TRPC4AP: variants seen among roughly 807,000 people sequenced by gnomAD.
TRPC4AP encodes short transient receptor potential channel 4-associated protein.
TRPC4AP carries 45 observed loss-of-function variants against 99.0 expected under a neutral mutation model. The ratio of observed to expected loss-of-function variants is 0.45; its 90% CI spans 0.36 to 0.58. TRPC4AP has a LOEUF of 0.58. Ranked by LOEUF, TRPC4AP falls within the 20% of genes least tolerant of loss-of-function variation. The pLI is 0.00. For synonymous variants in TRPC4AP, 408 were observed against 385.8 expected (o/e 1.06, Z -0.67); for missense variants, 879 against 985.3 (o/e 0.89, Z 1.44).
At chr20:35,087,196 A>G (rs6120830) in intron 1 of TRPC4AP, among the ~76,000 whole-genome samples, 115,499 of 149,546 alleles carry the variant, frequency 0.77, 44,891 homozygotes, top group Middle Eastern at 0.83. Flanking sequence ...AAAATTAGCC[A>G]GGCGTGGTGG....
chr20:35,009,957 T>A (rs1027566827), intron 12 of TRPC4AP, among the ~76,000 whole-genome samples: 1 of 152,354 alleles, frequency 6.6e-6, no homozygotes. Context: ...GCTCACCTCA[T>A]CTGTCAAGTG....
chr20:35,022,355 C>T (rs1053022280), intron 8 of TRPC4AP, among the ~76,000 whole-genome samples: 2 of 152,110 alleles, frequency 1.3e-5, no homozygotes, highest in Non-Finnish European at 2.9e-5. Flanking sequence ...GGGGTTTCAC[C>T]ATGTTGGCCG....
intron 6 of TRPC4AP, among the ~76,000 whole-genome samples, chr20:35,046,228 T>G (rs1163390950): frequency 6.6e-6 from 1 of 152,214 alleles, no homozygotes; most frequent in Non-Finnish European, 1.5e-5. Context: ...TTATAAGTTT[T>G]CCTTCTATTG....
intron 8 of TRPC4AP, among the ~76,000 whole-genome samples, chr20:35,022,402 C>T (rs1048748616): frequency 2.0e-5 from 3 of 152,120 alleles, no homozygotes. Context: ...GTGATCTGCC[C>T]GCCTCAGCCT....
chr20:35,026,112 T>C (rs999555113), intron 8 of TRPC4AP, among the ~76,000 whole-genome samples: 1 of 152,182 alleles, frequency 6.6e-6, no homozygotes, highest in African/African-American at 2.4e-5. Context: ...ATTTCTGAAC[T>C]CTCAACAATA....
intron 11 of TRPC4AP, among the ~76,000 whole-genome samples, chr20:35,011,082 A>G (rs561620210): frequency 2.2e-4 from 34 of 152,290 alleles, no homozygotes; most frequent in African/African-American, 6.5e-4. Context: ...AACGTGGCGA[A>G]ACCCCATCTC....
At chr20:35,030,002 GA>G (rs2083140904) in intron 8 of TRPC4AP, among the ~76,000 whole-genome samples, 1 of 148,084 alleles carries the variant, frequency 6.8e-6, no homozygotes, top group African/African-American at 2.5e-5. Flanking sequence ...AGCACTTTGG[GA>G]GGCCAAGGTG....
intron 1 of TRPC4AP, among the ~76,000 whole-genome samples, chr20:35,082,191 C>T (rs1204284555): frequency 6.6e-6 from 1 of 152,096 alleles, no homozygotes; most frequent in Non-Finnish European, 1.5e-5. Context: ...AGATTTTACA[C>T]ATCTCTTTCA....
chr20:35,071,932 C>G (rs550563397), intron 2 of TRPC4AP, among the ~76,000 whole-genome samples: 3 of 152,308 alleles, frequency 2.0e-5, no homozygotes, highest in African/African-American at 7.2e-5. Context: ...TTCTCCACAT[C>G]CTCTCCAGCA....
At chr20:35,042,328 T>C (rs528198364) in intron 7 of TRPC4AP, among the ~76,000 whole-genome samples, 2 of 152,306 alleles carry the variant, frequency 1.3e-5, no homozygotes, top group Admixed American at 6.5e-5. Context: ...CTACAAAGTA[T>C]AGTTATGATC....
rs151089444 is a variant in TRPC4AP, at chr20:35,007,508, G to A, written c.1686+42C>T. The A allele has an allele frequency of 2.0e-4, 316 of 1,598,122 alleles. No homozygotes were observed. In the East Asian group the frequency reaches 6.3e-3, roughly 32 times the overall value. ...ACAGGACACAGCAACGCGTGGGCTG[G>A]GGGGAGACGGAACCCAAGACACTGG... On this transcript the variant is annotated intron_variant, in intron 14 of 18. Transcript: ENST00000252015.
intron 1 of TRPC4AP, among the ~76,000 whole-genome samples, chr20:35,084,959 T>C (rs556025498): frequency 6.6e-6 from 1 of 152,322 alleles, no homozygotes; most frequent in Admixed American, 6.5e-5. Context: ...ACTACATTGG[T>C]AGACTAGTGG....
Position 35,021,315 on chromosome 20 carries a change from C to T in TRPC4AP, c.1093G>A (p.Gly365Ser), listed in dbSNP as rs1303065950. The change falls in exon 9 of 19, where the codon GGC becomes AGC. Residue 365 changes from glycine to serine, a missense_variant. Around this residue, in one of 3 missense-constraint regions of TRPC4AP, gnomAD observed 603 missense variants for 631.8 expected, o/e 0.95. Coordinates refer to ENST00000252015, the MANE Select transcript of TRPC4AP (RefSeq NM_015638.3). ...FPPPGASEEN[G>S]LPHTSARTQL... ...GTTCTGGCTGACGTGTGAGGCAGGC[C>T]ATTCTCCTCAGAAGCCCCTGGAGGA... The T allele has an allele frequency of 6.2e-7, 1 of 1,614,198 alleles. No individual in the cohort carries two copies. Among genetic ancestry groups the T allele is most frequent in the Non-Finnish European group, 8.5e-7 (1 of 1,180,026 alleles).
At chr20:35,044,924 C>T (rs968924545) in intron 6 of TRPC4AP, among the ~76,000 whole-genome samples, 1 of 152,068 alleles carries the variant, frequency 6.6e-6, no homozygotes, top group African/African-American at 2.4e-5. Context: ...AACTAATCTA[C>T]CTCACAGGAT....
intron 1 of TRPC4AP, among the ~76,000 whole-genome samples, chr20:35,086,660 AC>A (rs1365253295): frequency 6.6e-6 from 1 of 151,422 alleles, no homozygotes; most frequent in Admixed American, 6.6e-5. Context: ...GATTTGTTTG[AC>A]TTAAATGCCT....
At chr20:35,041,962 A>G (rs561841319) in intron 7 of TRPC4AP, among the ~76,000 whole-genome samples, 12 of 152,316 alleles carry the variant, frequency 7.9e-5, no homozygotes, top group African/African-American at 2.9e-4. Flanking sequence ...GTCAATGTAT[A>G]TGGAGGTGTG....
intron 5 of TRPC4AP, 67 bp downstream of exon 5, chr20:35,054,909 T>G: frequency 7.3e-7 from 1 of 1,369,620 alleles, no homozygotes; most frequent in Non-Finnish European, 1.0e-6. Flanking sequence ...TACTCGAATA[T>G]TCCCATCTTA....
intron 3 of TRPC4AP, among the ~76,000 whole-genome samples, chr20:35,063,473 T>A (rs991222784): frequency 2.6e-5 from 4 of 152,204 alleles, no homozygotes; most frequent in South Asian, 2.1e-4. Context: ...ACAAGATTTC[T>A]TTTTGGCGTG....
At chr20:35,049,088 A>G (rs1224614597) in intron 6 of TRPC4AP, among the ~76,000 whole-genome samples, 4 of 152,142 alleles carry the variant, frequency 2.6e-5, no homozygotes, top group African/African-American at 9.7e-5. Flanking sequence ...CCAGCAACCA[A>G]CATGGAGGCT....
Sources: allele counts gnomAD v4.1 joint callset (sites outside exome capture counted in the v4.1 genomes callset), GRCh38; gene constraint gnomAD v4.1.1; regional missense constraint gnomAD v4.1.1; transcripts MANE v1.5; gene names NCBI Gene and HGNC (gene_info 2026-07-23, HGNC 2026-07-21).